EFCAB5: variants seen among roughly 807,000 people sequenced by gnomAD.
EFCAB5 encodes the protein EF-hand calcium binding domain 5.
A neutral mutation model predicts 167.9 loss-of-function variants in EFCAB5; 131 were observed. The ratio of observed to expected loss-of-function variants is 0.78; its 90% CI spans 0.68 to 0.90. The LOEUF (loss-of-function observed/expected upper bound fraction) is 0.90, where lower values mean the gene tolerates loss of function less well. Among genes scored for constraint, EFCAB5 ranks in the 40% least tolerant of loss-of-function variants. EFCAB5 has a pLI of 0.00. For missense variants in EFCAB5, 1,663 were observed against 1,745.2 expected (o/e 0.95, Z 0.84); for synonymous variants, 574 against 602.8 (o/e 0.95, Z 0.70).
intron 7 of EFCAB5, among the ~76,000 whole-genome samples, chr17:30,017,171 T>C (rs932704320): frequency 2.6e-5 from 4 of 151,252 alleles, no homozygotes; most frequent in Admixed American, 2.6e-4. Context: ...AGCGAGAACG[T>C]GTCTCAAAAA....
intron 4 of EFCAB5, among the ~76,000 whole-genome samples, chr17:29,979,497 A>G (rs1418880587): frequency 6.6e-6 from 1 of 152,206 alleles, no homozygotes; most frequent in Non-Finnish European, 1.5e-5. Context: ...CAGTTTTACT[A>G]CCATACATAT....
rs188003918 is a variant in EFCAB5 at position 30,100,686 on chromosome 17, C to A, written c.4322-7148C>A. Among the ~76,000 whole-genome samples, 7 of 151,876 alleles carry A rather than the reference C, an allele frequency of 4.6e-5. No individual in the cohort carries two copies. The East Asian group carries it at 1.4e-3, about 30-fold the overall frequency. ...GGAGGCTGAGGCAGGTGAATTGTTGCAACCCAGGAGGCGGAGGTTGCAGTG... is the reference window on the plus strand; with the variant it reads ...GGAGGCTGAGGCAGGTGAATTGTTGAAACCCAGGAGGCGGAGGTTGCAGTG... On this transcript the variant is annotated intron_variant, in intron 22 of 22. Transcript: ENST00000394835.
At position 30,107,987 on chromosome 17, in the gene EFCAB5, A is replaced by G; in HGVS notation, c.4475A>G (p.Tyr1492Cys). The G allele has an allele frequency of 1.9e-6, 3 of 1,608,044 alleles. No homozygotes were observed. Among genetic ancestry groups the G allele is most frequent in the Non-Finnish European group, 2.5e-6 (3 of 1,178,396 alleles). Residue 1492 changes from tyrosine to cysteine, a missense_variant, in exon 23 of 23, where the codon TAT becomes TGT. Transcript: ENST00000394835. ...CCCTCCAAGACTGACAATTATATGT[A>G]TGCAAAAATGCCAGGGGAAGGTTTG... ...PLPSKTDNYM[Y>C]AKMPGEGLQE...
At chr17:30,052,934 AG>A (rs1392513842) in intron 9 of EFCAB5, among the ~76,000 whole-genome samples, 5 of 152,224 alleles carry the variant, frequency 3.3e-5, no homozygotes, top group African/African-American at 1.2e-4. Context: ...TGCTTATTGT[AG>A]GAGACCACAA....
intron 12 of EFCAB5, 83 bp from the exon 13 acceptor site, chr17:30,057,593 T>C: frequency 8.7e-7 from 1 of 1,149,578 alleles, no homozygotes; most frequent in South Asian, 1.4e-5. Context: ...ATGGCAGATA[T>C]TCATTACAAT....
At chr17:29,960,595 A>C (rs962661679) in intron 3 of EFCAB5, among the ~76,000 whole-genome samples, 4 of 151,738 alleles carry the variant, frequency 2.6e-5, no homozygotes, top group East Asian at 1.9e-4. Context: ...TCCTTCCCCT[A>C]CCCCCAAAAT....
chr17:30,055,509 T>C lies in EFCAB5; in HGVS notation c.2195-379T>C, dbSNP rs1452524809. Among the ~76,000 whole-genome samples the C allele has an allele frequency of 2.0e-5, 3 of 152,354 alleles. No homozygotes were observed. The East Asian group carries it at 5.8e-4, about 29-fold the overall frequency. On this transcript the variant is annotated intron_variant, in intron 10 of 22. Transcript: ENST00000394835. ...GGAAAAAGAAATTCATGCTACTTTTTCTGTCACACCTCAAACTGCAGAAGT... is the reference window on the plus strand; with the variant it reads ...GGAAAAAGAAATTCATGCTACTTTTCCTGTCACACCTCAAACTGCAGAAGT...
Position 30,091,932 on chromosome 17 carries a change from C to G in EFCAB5, c.3999C>G (p.Leu1333=). The G allele has an allele frequency of 6.2e-7, 1 of 1,613,954 alleles. No homozygotes were observed. Among genetic ancestry groups the G allele is most frequent in the Non-Finnish European group, 8.5e-7 (1 of 1,179,880 alleles). The change falls in exon 21 of 23, where the codon CTC becomes CTG. Residue 1333 remains leucine, a synonymous_variant. Transcript: ENST00000394835. ...TTCTCTTCTTCCGAATCATGCTGCTCGAGCTACAGGAAAGCATCCAACTAC... is the reference window on the plus strand; with the variant it reads ...TTCTCTTCTTCCGAATCATGCTGCTGGAGCTACAGGAAAGCATCCAACTAC... ...AGILFFRIML[L]ELQESIQLLN...
intron 7 of EFCAB5, among the ~76,000 whole-genome samples, 172 bp from the exon 8 acceptor site, chr17:30,034,058 A>AT (rs1026530515): frequency 6.6e-6 from 1 of 152,232 alleles, no homozygotes; most frequent in Non-Finnish European, 1.5e-5. Context: ...CTCTCTCTGC[A>AT]TCACAGCTTT....
At chr17:30,027,880 G>A (rs1567724210) in intron 7 of EFCAB5, among the ~76,000 whole-genome samples, 1 of 152,172 alleles carries the variant, frequency 6.6e-6, no homozygotes, top group Admixed American at 6.5e-5. Flanking sequence ...TCTTTACTAT[G>A]AGACTATATA....
chr17:29,931,609 CTG>C (rs1391773021), intron 1 of EFCAB5, among the ~76,000 whole-genome samples: 3 of 142,290 alleles, frequency 2.1e-5, no homozygotes, highest in Non-Finnish European at 3.2e-5. Flanking sequence ...AACAATCTGA[CTG>C]TGTTTTCCCC....
chr17:29,957,123 C>A lies in EFCAB5; in HGVS notation c.191-11668C>A, dbSNP rs115415755. Among the ~76,000 whole-genome samples, 1,216 of 152,048 alleles carry A rather than the reference C, an allele frequency of 8.0e-3. 11 individuals are homozygous for A. Among genetic ancestry groups the A allele is most frequent in the African/African-American group, 0.024 (1,009 of 41,466 alleles). ...GCTTTTATTCTGTTGAGGTATATTC[C>A]TTCTATACCCAGTGTTTTGAGGGAT... On this transcript the variant is annotated intron_variant, in intron 3 of 22. Transcript: ENST00000394835.
intron 3 of EFCAB5, 97 bp from the exon 4 acceptor site, chr17:29,968,694 A>G (rs1249884348): frequency 1.0e-6 from 1 of 977,236 alleles, no homozygotes; most frequent in East Asian, 2.8e-5. Flanking sequence ...TCCACTGTGT[A>G]AATGGATATA....
intron 22 of EFCAB5, among the ~76,000 whole-genome samples, chr17:30,094,189 G>T (rs920523390): frequency 6.6e-6 from 1 of 152,070 alleles, no homozygotes; most frequent in East Asian, 1.9e-4. Flanking sequence ...CTTTCTTAGG[G>T]CTTCCGCTGC....
intron 4 of EFCAB5, among the ~76,000 whole-genome samples, chr17:29,981,728 T>C (rs1013438943): frequency 1.3e-5 from 2 of 152,206 alleles, no homozygotes; most frequent in Non-Finnish European, 2.9e-5. Flanking sequence ...TTTTGGTTTT[T>C]AGATACATAA....
intron 4 of EFCAB5, among the ~76,000 whole-genome samples, chr17:29,976,858 A>G (rs528289289): frequency 1.3e-5 from 2 of 152,310 alleles, no homozygotes; most frequent in South Asian, 4.1e-4. Flanking sequence ...TAAAAACAAC[A>G]GATAGAGAAG....
chr17:30,036,480 A>G (rs1404043902), intron 8 of EFCAB5, among the ~76,000 whole-genome samples: 1 of 150,846 alleles, frequency 6.6e-6, no homozygotes, highest in African/African-American at 2.4e-5. Context: ...CCCAGGCTAG[A>G]ATGCAGCGGC....
chr17:29,987,972 G>A (rs1362850215), intron 4 of EFCAB5, among the ~76,000 whole-genome samples: 1 of 152,168 alleles, frequency 6.6e-6, no homozygotes, highest in South Asian at 2.1e-4. Context: ...AAGAGAATTA[G>A]GTTCCAATCC....
intron 15 of EFCAB5, 99 bp downstream of exon 15, chr17:30,078,603 T>A: frequency 1.5e-6 from 2 of 1,341,730 alleles, no homozygotes; most frequent in Non-Finnish European, 2.0e-6. Flanking sequence ...TCTTGAAAAA[T>A]CACTGGGTGC....
Sources: allele counts gnomAD v4.1 joint callset (sites outside exome capture counted in the v4.1 genomes callset), GRCh38; gene constraint gnomAD v4.1.1; transcripts MANE v1.5; gene names NCBI Gene and HGNC (gene_info 2026-07-23, HGNC 2026-07-21).